The following MARCHF1 variants were observed in gnomAD, a reference collection of about 807,000 sequenced individuals.
MARCHF1 encodes the protein membrane associated ring-CH-type finger 1, also known as E3 ubiquitin-protein ligase MARCHF1.
A neutral mutation model predicts 54.2 loss-of-function variants in MARCHF1; 40 were observed. That is an observed-to-expected ratio of 0.74 (90% CI 0.57 to 0.96). MARCHF1 has a LOEUF of 0.96. Among genes scored for constraint, MARCHF1 ranks in the 40% least tolerant of loss-of-function variants. The probability of loss-of-function intolerance (pLI) is 0.00; values close to 1 mark genes in which losing one functional copy is unlikely to be tolerated. For missense variants in MARCHF1, 586 were observed against 656.5 expected, an observed-to-expected ratio of 0.89 and a Z score of 1.17; for synonymous variants, 236 against 236.3, an observed-to-expected ratio of 1.00 and a Z score of 0.01.
At chr4:163,799,720 T>A (rs1748025387) in intron 4 of MARCHF1, among the ~76,000 whole-genome samples, 1 of 152,056 alleles carries the variant, frequency 6.6e-6, no homozygotes, top group African/African-American at 2.4e-5. Flanking sequence ...AAGTAATATA[T>A]CCAGTAATAG....
intron 1 of MARCHF1, among the ~76,000 whole-genome samples, chr4:164,220,600 TAATA>T (rs886990735): frequency 1.4e-5 from 2 of 145,862 alleles, no homozygotes; most frequent in Non-Finnish European, 3.0e-5. Flanking sequence ...TGTATATATG[TAATA>T]TATATGCTAT....
At chr4:164,326,957 T>TTGTGTGTG (rs370504086) in intron 1 of MARCHF1, among the ~76,000 whole-genome samples, 9,161 of 133,558 alleles carry the variant, frequency 0.069, 589 homozygotes, top group African/African-American at 0.15. Context: ...GTTGTAAGGA[T>TTGTGTGTG]TGTGTGTGTG....
At chr4:163,810,884 T>A (rs1400723740) in intron 4 of MARCHF1, among the ~76,000 whole-genome samples, 1 of 152,168 alleles carries the variant, frequency 6.6e-6, no homozygotes, top group Non-Finnish European at 1.5e-5. Context: ...AATCATTAAA[T>A]CTGCTTGAAT....
chr4:163,562,211 C>T (rs938128563), intron 8 of MARCHF1, among the ~76,000 whole-genome samples: 6 of 152,150 alleles, frequency 3.9e-5, no homozygotes, highest in Admixed American at 1.3e-4. Flanking sequence ...GCAGGAGAAT[C>T]GCTGGAACCC....
chr4:164,309,040 ATAGG>A (rs942703158), intron 1 of MARCHF1, among the ~76,000 whole-genome samples: 5 of 152,128 alleles, frequency 3.3e-5, no homozygotes, highest in African/African-American at 4.8e-5. Flanking sequence ...AAAATAGATG[ATAGG>A]TAGGTAGGTA....
At chr4:163,972,610 G>T (rs1005560275) in intron 3 of MARCHF1, among the ~76,000 whole-genome samples, 1 of 151,954 alleles carries the variant, frequency 6.6e-6, no homozygotes, top group Non-Finnish European at 1.5e-5. Context: ...GCAGTGGCGC[G>T]ATCTCAGCTC....
chr4:163,781,073 G>A (rs1312686153), intron 4 of MARCHF1, among the ~76,000 whole-genome samples: 1 of 152,116 alleles, frequency 6.6e-6, no homozygotes, highest in Non-Finnish European at 1.5e-5. Flanking sequence ...GCCGGGCACG[G>A]TGGCTCACGC....
chr4:164,114,620 AT>A (rs1253259123), intron 1 of MARCHF1, among the ~76,000 whole-genome samples: 2 of 151,532 alleles, frequency 1.3e-5, no homozygotes, highest in Admixed American at 1.3e-4. Context: ...ATATTTTGCT[AT>A]TTTTCCTAAG....
chr4:164,293,339 TC>T (rs1202755090), intron 1 of MARCHF1, among the ~76,000 whole-genome samples: 1 of 152,080 alleles, frequency 6.6e-6, no homozygotes, highest in Non-Finnish European at 1.5e-5. Flanking sequence ...ATTCAGACCA[TC>T]TCCGTATAAG....
intron 4 of MARCHF1, among the ~76,000 whole-genome samples, chr4:163,784,089 T>C (rs1196947006): frequency 6.6e-6 from 1 of 152,220 alleles, no homozygotes; most frequent in African/African-American, 2.4e-5. Flanking sequence ...ATTCAAGTTA[T>C]TAATTTCTGT....
At chr4:164,086,123 A>T (rs918457258) in intron 2 of MARCHF1, among the ~76,000 whole-genome samples, 1 of 151,892 alleles carries the variant, frequency 6.6e-6, no homozygotes, top group African/African-American at 2.4e-5. Context: ...TTATTGAGAG[A>T]TAAACATCAT....
chr4:163,893,608 A>T (rs116457698), intron 3 of MARCHF1, among the ~76,000 whole-genome samples: 6,585 of 152,308 alleles, frequency 0.043, 213 homozygotes, highest in Non-Finnish European at 0.065. Context: ...AATGATTATT[A>T]AAAATTTAAA....
chr4:163,525,684 T>TTAA lies in MARCHF1; in HGVS notation c.*3063_*3064insTTA, dbSNP rs1424087158. 1 of 152,176 alleles carries TTAA rather than the reference T, an allele frequency of 6.6e-6. No individual in the cohort carries two copies. The highest frequency in any genetic ancestry group is 1.5e-5 in the Non-Finnish European group (1 of 68,020). 9.4% of individuals were successfully genotyped at this position (152,176 alleles called of 1,614,324 possible). ...AGAGCCAAGGTTTTTAACACAACTGTAATTTCATTCTTCAATTTTAGTCCT... is the reference window on the plus strand; with the variant it reads ...AGAGCCAAGGTTTTTAACACAACTGTTAAAATTTCATTCTTCAATTTTAGTCCT... On this transcript the variant is annotated 3_prime_UTR_variant, in exon 10 of 10. Transcript: ENST00000514618.
chr4:163,829,363 G>A (rs1748950791), intron 4 of MARCHF1, among the ~76,000 whole-genome samples: 1 of 152,094 alleles, frequency 6.6e-6, no homozygotes, highest in Non-Finnish European at 1.5e-5. Context: ...TACTGTTTTA[G>A]TTAATATAAA....
intron 1 of MARCHF1, among the ~76,000 whole-genome samples, chr4:164,301,561 C>T (rs1734562873): frequency 6.6e-6 from 1 of 152,094 alleles, no homozygotes; most frequent in Non-Finnish European, 1.5e-5. Flanking sequence ...ATTAGGGAAT[C>T]ATGAGCACAA....
At chr4:163,737,167 T>A (rs10003780) in intron 4 of MARCHF1, among the ~76,000 whole-genome samples, 2 of 90,470 alleles carry the variant, frequency 2.2e-5, no homozygotes, top group Non-Finnish European at 2.7e-5. Flanking sequence ...TTTCTTTCTT[T>A]TTTTTTTTTT....
chr4:163,954,502 T>C (rs1016455378), intron 3 of MARCHF1, among the ~76,000 whole-genome samples: 1 of 152,182 alleles, frequency 6.6e-6, no homozygotes, highest in Non-Finnish European at 1.5e-5. Flanking sequence ...AAAATGCATA[T>C]TTTAAAAGAT....
chr4:163,728,847 G>T (rs1475162144), intron 4 of MARCHF1, among the ~76,000 whole-genome samples: 3 of 152,096 alleles, frequency 2.0e-5, no homozygotes, highest in Admixed American at 6.5e-5. Context: ...GAAAAGCAAT[G>T]GTGAGAGTGA....
chr4:163,986,246 CTTCTTTTTTTTTT>C (rs1752863325), intron 3 of MARCHF1, among the ~76,000 whole-genome samples: 7 of 73,774 alleles, frequency 9.5e-5, no homozygotes, highest in Admixed American at 1.9e-4. Flanking sequence ...TAATTAACCT[CTTCTTTTTTTTTT>C]TTTTTTTTTT....
Sources: allele counts gnomAD v4.1 joint callset (sites outside exome capture counted in the v4.1 genomes callset), GRCh38; gene constraint gnomAD v4.1.1; transcripts MANE v1.5; gene names NCBI Gene and HGNC (gene_info 2026-07-23, HGNC 2026-07-21).